Variants in MYO1E observed in about 807,000 individuals in gnomAD.
MYO1E encodes unconventional myosin-Ie.
Under a neutral mutation model 151.1 loss-of-function variants are expected in MYO1E, and 68 were observed. The observed-to-expected ratio is 0.45, with a 90% CI of 0.37 to 0.55. MYO1E has a LOEUF of 0.55. Among genes scored for constraint, MYO1E ranks in the 20% least tolerant of loss-of-function variants. The probability of loss-of-function intolerance (pLI) is 0.00; values close to 1 mark genes in which losing one functional copy is unlikely to be tolerated. For missense variants in MYO1E, 1,363 were observed against 1,389.3 expected (o/e 0.98, Z 0.30); for synonymous variants, 601 against 501.7 (o/e 1.20, Z -2.64).
chr15:59,252,712 C>T (rs1177734422), intron 4 of MYO1E, among the ~76,000 whole-genome samples: 1 of 139,548 alleles, frequency 7.2e-6, no homozygotes, highest in Non-Finnish European at 1.5e-5. Context: ...GAGACTCTGT[C>T]TCAAAAAAAA....
intron 10 of MYO1E, among the ~76,000 whole-genome samples, chr15:59,217,594 C>T (rs1403941301): frequency 5.0e-5 from 6 of 120,396 alleles, no homozygotes; most frequent in African/African-American, 1.6e-4. Context: ...GGCGTAATCT[C>T]GGCTCACTGC....
chr15:59,284,864 AT>A (rs1436323705), intron 1 of MYO1E, among the ~76,000 whole-genome samples: 2 of 152,206 alleles, frequency 1.3e-5, no homozygotes, highest in Non-Finnish European at 2.9e-5. Context: ...ACAGAATAAT[AT>A]GAATCAAATG....
intron 22 of MYO1E, among the ~76,000 whole-genome samples, chr15:59,167,936 C>T (rs2079571508): frequency 6.6e-6 from 1 of 152,130 alleles, no homozygotes; most frequent in African/African-American, 2.4e-5. Context: ...GCCTCGGCCT[C>T]CCAAAGTGCT....
intron 1 of MYO1E, among the ~76,000 whole-genome samples, chr15:59,284,392 A>G (rs1170628299): frequency 6.6e-6 from 1 of 152,210 alleles, no homozygotes; most frequent in Non-Finnish European, 1.5e-5. Context: ...TCTCTTAACC[A>G]TGTAAGTAGT....
At chr15:59,269,413 A>T (rs12443291) in intron 2 of MYO1E, among the ~76,000 whole-genome samples, 32,715 of 152,096 alleles carry the variant, frequency 0.22, 4,132 homozygotes, top group East Asian at 0.53. Context: ...TAATCAATTA[A>T]CTGCCAGTTT....
At chr15:59,238,021 A>G (rs2080077279) in intron 4 of MYO1E, among the ~76,000 whole-genome samples, 1 of 152,154 alleles carries the variant, frequency 6.6e-6, no homozygotes, top group East Asian at 1.9e-4. Context: ...TCACCATCCT[A>G]GTGCTATGCT....
At chr15:59,307,782 C>G (rs12232275) in intron 1 of MYO1E, among the ~76,000 whole-genome samples, 73,516 of 151,394 alleles carry the variant, frequency 0.49, 19,533 homozygotes, top group African/African-American at 0.72. Context: ...GGCTAACTTT[C>G]TATCTTTAGT....
chr15:59,145,547 C>T (rs758476777), intron 26 of MYO1E, among the ~76,000 whole-genome samples: 22 of 152,086 alleles, frequency 1.4e-4, no homozygotes, highest in African/African-American at 4.8e-4. Flanking sequence ...CCAACAAGCC[C>T]GGCTAATTTT....
chr15:59,229,719 T>C (rs1403254258), intron 6 of MYO1E, among the ~76,000 whole-genome samples: 3 of 152,232 alleles, frequency 2.0e-5, no homozygotes, highest in Non-Finnish European at 4.4e-5. Context: ...ATATACATTC[T>C]TATGCTTCAT....
At chr15:59,311,423 T>C (rs2080551100) in intron 1 of MYO1E, among the ~76,000 whole-genome samples, 1 of 152,064 alleles carries the variant, frequency 6.6e-6, no homozygotes, top group Non-Finnish European at 1.5e-5. Context: ...TAATGCTCAC[T>C]CATGCATGCT....
rs754452187 is a variant in MYO1E, at chr15:59,161,070, T to TA, written c.2785+2dup. ...CTGCCTGCAGGGCCCGTGGAGCACT[T>TA]ACGGGAGTTCTTGGGCAGTCCAGGT... On this transcript the variant is annotated splice_region_variant and intron_variant, in intron 24 of 27. Coordinates refer to ENST00000288235, the MANE Select transcript of MYO1E (RefSeq NM_004998.4). 1.2e-6 allele frequency: 2 copies of TA among 1,612,976 alleles called. No homozygotes were observed. The highest frequency in any genetic ancestry group is 1.3e-5 in the African/African-American group (1 of 74,958).
chr15:59,253,542 C>T (rs1463855894), intron 4 of MYO1E, among the ~76,000 whole-genome samples: 7 of 136,458 alleles, frequency 5.1e-5, no homozygotes, highest in African/African-American at 1.1e-4. Flanking sequence ...AGTGCAGTGG[C>T]GCAATCTCAG....
At chr15:59,313,083 C>T (rs1262161323) in intron 1 of MYO1E, among the ~76,000 whole-genome samples, 12 of 152,126 alleles carry the variant, frequency 7.9e-5, no homozygotes, top group African/African-American at 2.4e-4. Flanking sequence ...ACAAGTCCTC[C>T]CGTAGATTCT....
chr15:59,342,425 T>C (rs76454415), intron 1 of MYO1E, among the ~76,000 whole-genome samples: 1,591 of 152,346 alleles, frequency 0.01, 25 homozygotes, highest in African/African-American at 0.037. Flanking sequence ...TAGACCAATG[T>C]CCTGGAGTCT....
chr15:59,209,119 C>T (rs1048269172), intron 13 of MYO1E: 2 of 497,330 alleles, frequency 4.0e-6, no homozygotes, highest in Admixed American at 6.8e-5. Flanking sequence ...TATCTGCTCA[C>T]TCATAGTCAT....
intron 1 of MYO1E, among the ~76,000 whole-genome samples, chr15:59,323,218 C>G (rs1295687533): frequency 6.9e-6 from 1 of 145,838 alleles, no homozygotes; most frequent in Non-Finnish European, 1.5e-5. Context: ...CAATGGCAAC[C>G]AAAAATGGAA....
At chr15:59,210,765 A>C (rs1410669521) in intron 12 of MYO1E, among the ~76,000 whole-genome samples, 165 bp from the exon 13 acceptor site, 1 of 152,206 alleles carries the variant, frequency 6.6e-6, no homozygotes, top group African/African-American at 2.4e-5. Context: ...ACAGGAAAGG[A>C]ACATTTTATG....
At position 59,268,720 on chromosome 15, in the gene MYO1E, A is replaced by ATTTTTTTTTTTTTT. The variant is rs398027512; in HGVS notation, c.147+3572_147+3585dup. Among the ~76,000 whole-genome samples the ATTTTTTTTTTTTTT allele has an allele frequency of 1.8e-3, 80 of 44,906 alleles. 18 individuals carry two copies. Among genetic ancestry groups the ATTTTTTTTTTTTTT allele is most frequent in the African/African-American group, 2.4e-3 (41 of 17,238 alleles). The allele number at this position is 44,906 out of a possible 152,430, so 29.5% of individuals were successfully genotyped here. On this transcript the variant is annotated intron_variant, in intron 2 of 27. Coordinates refer to ENST00000288235, the MANE Select transcript of MYO1E (RefSeq NM_004998.4). ...GTGATGGGTTCTGGGTGACTTTGGTATTTTTTTTTTTTTTTTTTTTTGCTT... is the reference window on the plus strand; with the variant it reads ...GTGATGGGTTCTGGGTGACTTTGGTATTTTTTTTTTTTTTTTTTTTTTTTTTTTTTTTTTTGCTT...
chr15:59,369,014 T>C (rs1379128603), intron 1 of MYO1E, among the ~76,000 whole-genome samples: 1 of 152,222 alleles, frequency 6.6e-6, no homozygotes, highest in African/African-American at 2.4e-5. Context: ...TTGTGCTTGA[T>C]CCCATTCCTT....
Sources: allele counts gnomAD v4.1 joint callset (sites outside exome capture counted in the v4.1 genomes callset), GRCh38; gene constraint gnomAD v4.1.1; transcripts MANE v1.5; gene names NCBI Gene and HGNC (gene_info 2026-07-23, HGNC 2026-07-21).